The following PRKG1 variants were observed in gnomAD, a reference collection of about 807,000 sequenced individuals.
PRKG1 encodes cGMP-dependent protein kinase 1.
In PRKG1, 35 loss-of-function variants were observed where a neutral mutation model predicts 88.1. That is an observed-to-expected ratio of 0.40 (90% CI 0.30 to 0.53). The LOEUF (loss-of-function observed/expected upper bound fraction) is 0.53, where lower values mean the gene tolerates loss of function less well. Among genes scored for constraint, PRKG1 ranks in the 20% least tolerant of loss-of-function variants. The probability of loss-of-function intolerance (pLI) is 0.59; values close to 1 mark genes in which losing one functional copy is unlikely to be tolerated. For synonymous variants in PRKG1, 303 were observed against 292.5 expected, an observed-to-expected ratio of 1.04 and a Z score of -0.37; for missense variants, 540 against 839.8, an observed-to-expected ratio of 0.64 and a Z score of 4.41.
chr10:52,174,824 T>A (rs1838815155), intron 9 of PRKG1, among the ~76,000 whole-genome samples: 1 of 150,988 alleles, frequency 6.6e-6, no homozygotes, highest in African/African-American at 2.5e-5. Flanking sequence ...CTGCTTTATA[T>A]GATTTTATTT....
intron 2 of PRKG1, among the ~76,000 whole-genome samples, chr10:51,263,730 T>C (rs1302703399): frequency 1.3e-5 from 2 of 152,194 alleles, no homozygotes; most frequent in Admixed American, 1.3e-4. Flanking sequence ...AGGAGTGATA[T>C]TTTTTAAATT....
chr10:52,018,470 T>G (rs1414422254), intron 5 of PRKG1, among the ~76,000 whole-genome samples: 1 of 152,142 alleles, frequency 6.6e-6, no homozygotes, highest in Non-Finnish European at 1.5e-5. Context: ...GATTATATTT[T>G]AAAAGGAAAT....
intron 3 of PRKG1, among the ~76,000 whole-genome samples, chr10:51,496,891 C>T (rs963337424): frequency 2.6e-5 from 4 of 152,144 alleles, no homozygotes; most frequent in Non-Finnish European, 5.9e-5. Context: ...AATCATTCTA[C>T]GCACCTTCTA....
At chr10:51,374,093 A>AAAAAATATATATATATATATATATAT in intron 2 of PRKG1, among the ~76,000 whole-genome samples, 96 of 100,056 alleles carry the variant, frequency 9.6e-4, no homozygotes, top group African/African-American at 1.9e-3. Context: ...AAAAAAAAAA[A>AAAAAATATATATATATATATATATAT]ATATATATAT....
intron 3 of PRKG1, among the ~76,000 whole-genome samples, chr10:51,675,134 C>A (rs898591634): frequency 6.6e-6 from 1 of 152,134 alleles, no homozygotes; most frequent in Non-Finnish European, 1.5e-5. Flanking sequence ...TAGCTGTAAT[C>A]CTTCAAACAC....
chr10:51,791,601 T>TA (rs1210161859), intron 3 of PRKG1, among the ~76,000 whole-genome samples: 3 of 151,954 alleles, frequency 2.0e-5, no homozygotes, highest in African/African-American at 7.3e-5. Context: ...GATCTCAGAG[T>TA]AGAATATGGT....
chr10:52,111,876 C>A (rs1372192833), intron 7 of PRKG1, among the ~76,000 whole-genome samples: 1 of 152,126 alleles, frequency 6.6e-6, no homozygotes, highest in Non-Finnish European at 1.5e-5. Context: ...CCATATCTTT[C>A]TTCTTCTCGC....
intron 9 of PRKG1, among the ~76,000 whole-genome samples, chr10:52,196,582 G>T (rs932367580): frequency 6.6e-6 from 1 of 152,142 alleles, no homozygotes; most frequent in African/African-American, 2.4e-5. Context: ...TACTCATTTT[G>T]GTTAGATGAA....
intron 3 of PRKG1, among the ~76,000 whole-genome samples, chr10:51,727,114 T>C (rs1000143303): frequency 1.3e-5 from 2 of 151,862 alleles, no homozygotes; most frequent in Non-Finnish European, 1.5e-5. Flanking sequence ...CTCAAATAAA[T>C]TCCTCTTTAA....
rs1006829151 is a variant in PRKG1, at chr10:51,303,812, T to TAC, written c.478+150498_478+150499dup. On this transcript the variant is annotated intron_variant, in intron 2 of 17. Coordinates refer to ENST00000373980, the MANE Select transcript of PRKG1 (RefSeq NM_006258.4). Reference sequence around the variant, plus strand: ...AAATAAAACTATATCTATATATATATACACACACACACACACATACATATT... The same window carrying TAC: ...AAATAAAACTATATCTATATATATATACACACACACACACACACATACATATT... 8.6e-4 allele frequency among the ~76,000 whole-genome samples: 129 copies of TAC among 150,124 alleles called. 1 individual carries two copies. In the East Asian group the frequency reaches 9.8e-3, roughly 11 times the overall value.
At chr10:51,670,752 AT>A (rs1392794388) in intron 3 of PRKG1, among the ~76,000 whole-genome samples, 1,216 of 79,876 alleles carry the variant, frequency 0.015, 31 homozygotes, top group Non-Finnish European at 0.019. Flanking sequence ...AAATAAATAA[AT>A]AAATAAATAA....
chr10:51,942,375 G>C (rs1842929147), intron 5 of PRKG1, among the ~76,000 whole-genome samples: 1 of 151,638 alleles, frequency 6.6e-6, no homozygotes. Context: ...TGAGTAGGTT[G>C]TGAAAATTTT....
chr10:52,254,890 G>C (rs1841271361), intron 10 of PRKG1, among the ~76,000 whole-genome samples: 1 of 152,034 alleles, frequency 6.6e-6, no homozygotes, highest in Non-Finnish European at 1.5e-5. Context: ...GTAGTCTTAA[G>C]CTATTCAGTC....
At chr10:52,219,523 A>T (rs917727808) in intron 9 of PRKG1, among the ~76,000 whole-genome samples, 2 of 152,210 alleles carry the variant, frequency 1.3e-5, no homozygotes, top group Non-Finnish European at 2.9e-5. Context: ...TTGCTAACAA[A>T]CTACTAAACC....
intron 3 of PRKG1, among the ~76,000 whole-genome samples, chr10:51,611,651 ATTTT>A (rs763522591): frequency 7.7e-6 from 1 of 129,116 alleles, no homozygotes. Context: ...CCATTTGTCT[ATTTT>A]TTTTTTTTTT....
intron 5 of PRKG1, among the ~76,000 whole-genome samples, chr10:52,036,976 C>T (rs1304906550): frequency 6.6e-6 from 1 of 152,292 alleles, no homozygotes; most frequent in Non-Finnish European, 1.5e-5. Context: ...TTACCGGAAG[C>T]TCGGCGTCTG....
chr10:51,094,176 G>C (rs921480635), intron 1 of PRKG1, among the ~76,000 whole-genome samples: 4 of 151,824 alleles, frequency 2.6e-5, no homozygotes, highest in African/African-American at 4.8e-5. Context: ...ATAGTATCTA[G>C]GGCATAGAAA....
At chr10:51,407,787 A>G (rs926883322) in intron 2 of PRKG1, among the ~76,000 whole-genome samples, 2 of 152,146 alleles carry the variant, frequency 1.3e-5, no homozygotes, top group Admixed American at 1.3e-4. Context: ...GAGACACCCT[A>G]ATGGATCTCT....
At chr10:51,930,435 G>C (rs536017028) in intron 5 of PRKG1, among the ~76,000 whole-genome samples, 1 of 149,044 alleles carries the variant, frequency 6.7e-6, no homozygotes, top group South Asian at 2.1e-4. Flanking sequence ...TAGAAAAAAA[G>C]AATGCCTTCT....
Sources: gnomAD v4.1 joint callset for allele counts (sites outside exome capture counted in the v4.1 genomes callset) on GRCh38, gnomAD v4.1.1 for gene constraint, MANE v1.5 for transcripts, NCBI Gene and HGNC (gene_info 2026-07-23, HGNC 2026-07-21) for gene names.